PCDHGA10: variants seen among roughly 807,000 people sequenced by gnomAD.
The protein encoded by PCDHGA10 is protocadherin gamma subfamily A, 10.
A neutral mutation model predicts 59.5 loss-of-function variants in PCDHGA10; 42 were observed. The observed-to-expected ratio is 0.71, with a 90% CI of 0.55 to 0.91. The LOEUF is 0.91. Among genes scored for constraint, PCDHGA10 ranks in the 40% least tolerant of loss-of-function variants. PCDHGA10 has a pLI of 0.00. For missense variants in PCDHGA10, 1,111 were observed against 1,198.2 expected (o/e 0.93, Z 1.07); for synonymous variants, 511 against 517.2 (o/e 0.99, Z 0.16).
Position 141,415,359 on chromosome 5 carries a change from G to C in PCDHGA10, c.2184G>C (p.Leu728=). The C allele has an allele frequency of 1.2e-6, 2 of 1,614,246 alleles. No individual in the cohort carries two copies. The highest frequency in any genetic ancestry group is 1.7e-6 in the Non-Finnish European group (2 of 1,180,046). ...HRLRRWHKSR[L]LQASGGGLTG... ...TGCGGCGCTGGCACAAGTCACGCCT[G>C]CTGCAGGCTTCAGGAGGCGGCTTGA... is the stretch of plus-strand genomic sequence containing the variant. Residue 728 remains leucine, a synonymous_variant, in exon 1 of 4, where the codon CTG becomes CTC. Coordinates refer to ENST00000398610, the MANE Select transcript of PCDHGA10 (RefSeq NM_018913.3).
intron 1 of PCDHGA10, among the ~76,000 whole-genome samples, chr5:141,455,997 A>C (rs1373055623): frequency 1.3e-5 from 2 of 151,626 alleles, no homozygotes. Context: ...TCTCGGGTTC[A>C]TGCCATTCTC....
In PCDHGA10 at chr5:141,426,319, C is replaced by A. The variant is rs572457971; in HGVS notation, c.2436+10708C>A. On this transcript the variant is annotated intron_variant, in intron 1 of 3. Coordinates refer to ENST00000398610, the MANE Select transcript of PCDHGA10 (RefSeq NM_018913.3). ...CAGGGTGAAGCAGAGAAGCAGGACC[C>A]GGCAGTGGCAAGCACTCTTCCCTTT... 9 of 175,482 alleles carry A rather than the reference C, an allele frequency of 5.1e-5. No homozygotes were observed. In the East Asian group the frequency reaches 6.8e-4, roughly 13 times the overall value. The allele number at this position is 175,482 out of a possible 1,614,324, so 10.9% of individuals were successfully genotyped here.
intron 1 of PCDHGA10, among the ~76,000 whole-genome samples, chr5:141,470,417 T>A (rs1482173610): frequency 6.6e-6 from 1 of 152,226 alleles, no homozygotes; most frequent in East Asian, 1.9e-4. Context: ...ATTTTATGTA[T>A]TTTTTCCTTG....
intron 1 of PCDHGA10, among the ~76,000 whole-genome samples, chr5:141,484,179 A>G (rs2099592960): frequency 6.6e-6 from 1 of 152,222 alleles, no homozygotes; most frequent in South Asian, 2.1e-4. Context: ...GATCTCAATC[A>G]TTCAAGGAAG....
chr5:141,496,802 A>G (rs1483438160), intron 2 of PCDHGA10, among the ~76,000 whole-genome samples: 1 of 152,050 alleles, frequency 6.6e-6, no homozygotes, highest in Admixed American at 6.6e-5. Flanking sequence ...ACATTGGGCT[A>G]TAGGAGTGAA....
At chr5:141,421,979 G>C in intron 1 of PCDHGA10, 1 of 1,609,702 alleles carries the variant, frequency 6.2e-7, no homozygotes, top group Non-Finnish European at 8.5e-7. Flanking sequence ...TATCGCGTGA[G>C]TGTTCCAGAA....
In PCDHGA10 at chr5:141,489,664, A is replaced by C. The variant is rs745597010; in HGVS notation, c.2437-5143A>C. 1.9e-6 allele frequency: 3 copies of C among 1,614,224 alleles called. No individual in the cohort carries two copies. Among genetic ancestry groups the C allele is most frequent in the African/African-American group, 1.3e-5 (1 of 75,058 alleles). On this transcript the variant is annotated intron_variant, in intron 1 of 3. Transcript: ENST00000398610. This position sits in a 1 kb window ranked among gnomAD's most constrained non-coding sequence, Gnocchi z 4.5. ...TGCCACCCCTGAGCGAGAGATGCGC[A>C]TCTCAGAATCAGCAGCATCTGGGGC... is the stretch of plus-strand genomic sequence containing the variant.
At chr5:141,466,004 C>T (rs1336655723) in intron 1 of PCDHGA10, among the ~76,000 whole-genome samples, 1 of 151,920 alleles carries the variant, frequency 6.6e-6, no homozygotes, top group Non-Finnish European at 1.5e-5. Flanking sequence ...CACCTGTAGT[C>T]CCAGCTACTC....
chr5:141,451,682 G>GA (rs1401536376), intron 1 of PCDHGA10, among the ~76,000 whole-genome samples: 1 of 152,128 alleles, frequency 6.6e-6, no homozygotes, highest in Non-Finnish European at 1.5e-5. Flanking sequence ...AGGAGTTCAA[G>GA]ACCAGCCTGG....
chr5:141,418,945 A>G, intron 1 of PCDHGA10: 3 of 1,614,062 alleles, frequency 1.9e-6, no homozygotes, highest in Non-Finnish European at 2.5e-6. Flanking sequence ...ATTCCCCTCC[A>G]GGAGTGGTTG....
intron 1 of PCDHGA10, among the ~76,000 whole-genome samples, chr5:141,484,202 T>C (rs2099593138): frequency 6.6e-6 from 1 of 152,214 alleles, no homozygotes; most frequent in Non-Finnish European, 1.5e-5. Context: ...ATTAAATCTA[T>C]GAACATTAGC....
chr5:141,450,470 A>AGTTT (rs199699353), intron 1 of PCDHGA10, among the ~76,000 whole-genome samples: 2,037 of 151,800 alleles, frequency 0.013, 39 homozygotes, highest in African/African-American at 0.044. Flanking sequence ...TTATATATAG[A>AGTTT]GTTTGTTTGT....
At chr5:141,499,115 C>T (rs940275925) in intron 2 of PCDHGA10, among the ~76,000 whole-genome samples, 16 of 152,124 alleles carry the variant, frequency 1.1e-4, no homozygotes, top group African/African-American at 3.9e-4. Context: ...CACCACTATC[C>T]CTTCTCAGGT....
chr5:141,419,481 C>T (rs2096389716), intron 1 of PCDHGA10: 1 of 1,612,422 alleles, frequency 6.2e-7, no homozygotes, highest in East Asian at 2.2e-5. Flanking sequence ...GGCTCGCCCG[C>T]GCTCAGCGCC....
chr5:141,436,140 A>G (rs1324666699), intron 1 of PCDHGA10, among the ~76,000 whole-genome samples: 2 of 152,224 alleles, frequency 1.3e-5, no homozygotes, highest in Non-Finnish European at 2.9e-5. Flanking sequence ...TCTTGTATGA[A>G]CTACCAAAAT....
chr5:141,415,492 A>G lies in PCDHGA10; in HGVS notation c.2317A>G (p.Ile773Val), dbSNP rs373866182. 4 of 1,614,154 alleles carry G rather than the reference A, an allele frequency of 2.5e-6. No individual in the cohort carries two copies. The African/African-American group carries it at 4.0e-5, about 16-fold the overall frequency. The change falls in exon 1 of 4, where the codon ATC (isoleucine) becomes GTC (valine). Residue 773 changes from isoleucine (I) to valine (V), a missense_variant. By Grantham distance (29) the Ile-to-Val change is conservative. Transcript: ENST00000398610. Reference sequence around the variant, plus strand: ...CGCGGACTCGCGAAAGAGTCACCTGATCTTCCCCCAGCCCAATTATGCGGA... The same window carrying G: ...CGCGGACTCGCGAAAGAGTCACCTGGTCTTCCCCCAGCCCAATTATGCGGA... ...LTADSRKSHL[I>V]FPQPNYADTL... is the part of the protein sequence containing the mutation.
Position 141,423,176 on chromosome 5 carries a change from A to C in PCDHGA10, c.2436+7565A>C, listed in dbSNP as rs781125798. Reference sequence around the variant, plus strand: ...AGCCTCGTGGTGGCCGTCCAGGACCACGGCCAGCCCCCTCTCTCGGCCACC... The same window carrying C: ...AGCCTCGTGGTGGCCGTCCAGGACCCCGGCCAGCCCCCTCTCTCGGCCACC... On this transcript the variant is annotated intron_variant, in intron 1 of 3. Transcript: ENST00000398610. 1.7e-5 allele frequency: 28 copies of C among 1,613,356 alleles called. No homozygotes were observed. In the African/African-American group the frequency reaches 3.6e-4, roughly 21 times the overall value.
chr5:141,491,646 G>T lies in PCDHGA10; in HGVS notation c.2437-3161G>T. On this transcript the variant is annotated intron_variant, in intron 1 of 3. Transcript: ENST00000398610. The surrounding 1 kb of genome is among the most constrained non-coding windows in gnomAD (Gnocchi z 6.9). ...GCGTTCAGCAGCCCACAGCTCTGGC[G>T]CTGGAGCCTGACGCCATCCGGTCCC... is the stretch of plus-strand genomic sequence containing the variant. 1 of 1,613,872 alleles carries T rather than the reference G, an allele frequency of 6.2e-7. No individual in the cohort carries two copies. The highest frequency in any genetic ancestry group is 8.5e-7 in the Non-Finnish European group (1 of 1,180,030).
intron 1 of PCDHGA10, among the ~76,000 whole-genome samples, chr5:141,436,613 A>C (rs1334315821): frequency 1.3e-5 from 2 of 152,206 alleles, no homozygotes; most frequent in Non-Finnish European, 2.9e-5. Flanking sequence ...AGGGCTAACA[A>C]AAATCTGATT....
Sources: allele counts gnomAD v4.1 joint callset (sites outside exome capture counted in the v4.1 genomes callset), GRCh38; gene constraint gnomAD v4.1.1; non-coding constraint Gnocchi (gnomAD v3.1); transcripts MANE v1.5; gene names NCBI Gene and HGNC (gene_info 2026-07-23, HGNC 2026-07-21).